Variants in INPP5A observed in about 807,000 individuals in gnomAD.
The protein encoded by INPP5A is inositol polyphosphate-5-phosphatase A.
INPP5A carries 14 observed loss-of-function variants against 65.2 expected under a neutral mutation model. The observed-to-expected ratio is 0.21, with a 90% CI of 0.14 to 0.34. The LOEUF (loss-of-function observed/expected upper bound fraction) is 0.34. INPP5A is among the 10% of genes least tolerant of loss of function. The probability of loss-of-function intolerance (pLI) is 1.00; values close to 1 mark genes in which losing one functional copy is unlikely to be tolerated. For synonymous variants in INPP5A, 207 were observed against 208.3 expected (o/e 0.99, Z 0.05); for missense variants, 431 against 545.6 (o/e 0.79, Z 2.09).
intron 11 of INPP5A, among the ~76,000 whole-genome samples, chr10:132,755,352 G>C (rs1846579376): frequency 6.6e-6 from 1 of 151,396 alleles, no homozygotes; most frequent in South Asian, 2.1e-4. Context: ...GCGTGTGTGT[G>C]AGCAGACATG....
intron 2 of INPP5A, among the ~76,000 whole-genome samples, chr10:132,640,762 C>T (rs2072417317): frequency 6.6e-6 from 1 of 152,194 alleles, no homozygotes; most frequent in African/African-American, 2.4e-5. Flanking sequence ...TCTCTGTATA[C>T]CTTCTTTTCT....
chr10:132,594,355 C>T (rs186063690), intron 1 of INPP5A, among the ~76,000 whole-genome samples: 138 of 152,340 alleles, frequency 9.1e-4, no homozygotes, highest in African/African-American at 3.1e-3. Context: ...AGGTCTAGAA[C>T]GTGTCCATCA....
Position 132,584,563 on chromosome 10 carries a change from C to T in INPP5A, c.76-23352C>T, listed in dbSNP as rs1013494448. On this transcript the variant is annotated intron_variant, in intron 1 of 15. Coordinates refer to ENST00000368594, the MANE Select transcript of INPP5A (RefSeq NM_005539.5). ...ATTATCAATTTGTTGATACAATGTT[C>T]ACATATTCTCATATTATTCTTTTAA... is the stretch of plus-strand genomic sequence containing the variant. Among the ~76,000 whole-genome samples the T allele has an allele frequency of 8.5e-5, 13 of 152,126 alleles. 1 individual carries two copies. Among genetic ancestry groups the T allele is most frequent in the African/African-American group, 2.4e-4 (10 of 41,424 alleles).
intron 4 of INPP5A, among the ~76,000 whole-genome samples, chr10:132,682,531 C>T (rs910069459): frequency 6.6e-6 from 1 of 152,254 alleles, no homozygotes; most frequent in Non-Finnish European, 1.5e-5. Flanking sequence ...GAGGCTGGCA[C>T]TGGGCCATGG....
intron 13 of INPP5A, among the ~76,000 whole-genome samples, chr10:132,780,577 G>A (rs1316395991): frequency 4.6e-5 from 7 of 152,326 alleles, no homozygotes; most frequent in South Asian, 2.1e-4. Flanking sequence ...GGCTCCCCAC[G>A]CGACCCCTCC....
At chr10:132,558,192 C>T (rs934041532) in intron 1 of INPP5A, among the ~76,000 whole-genome samples, 7 of 152,198 alleles carry the variant, frequency 4.6e-5, no homozygotes, top group African/African-American at 1.7e-4. Flanking sequence ...TCCTGATAGC[C>T]TTCCCGCCAG....
At chr10:132,564,870 C>T (rs769708293) in intron 1 of INPP5A, among the ~76,000 whole-genome samples, 3 of 152,044 alleles carry the variant, frequency 2.0e-5, no homozygotes, top group Non-Finnish European at 2.9e-5. Flanking sequence ...TGCATGCCCC[C>T]GTATGCCTGG....
intron 2 of INPP5A, among the ~76,000 whole-genome samples, chr10:132,619,034 G>A (rs1047691018): frequency 1.1e-4 from 17 of 152,262 alleles, no homozygotes; most frequent in Middle Eastern, 3.4e-3. Context: ...CAGATCTCAT[G>A]TTCTTCTCAC....
intron 1 of INPP5A, among the ~76,000 whole-genome samples, chr10:132,544,244 C>T (rs1350042611): frequency 6.6e-6 from 1 of 152,232 alleles, no homozygotes; most frequent in Admixed American, 6.5e-5. Flanking sequence ...TGCTAGCCTG[C>T]AGTAGGTGGG....
At chr10:132,767,929 G>A (rs1846880083) in intron 12 of INPP5A, among the ~76,000 whole-genome samples, 1 of 146,036 alleles carries the variant, frequency 6.8e-6, no homozygotes, top group African/African-American at 2.6e-5. Flanking sequence ...CATTCCCAGG[G>A]TGCCCACGCG....
rs560375618 is a variant in INPP5A at position 132,596,510 on chromosome 10, C to T, written c.76-11405C>T. Among the ~76,000 whole-genome samples the T allele has an allele frequency of 1.1e-3, 166 of 151,988 alleles. 1 individual carries two copies. Among genetic ancestry groups the T allele is most frequent in the African/African-American group, 3.9e-3 (160 of 41,440 alleles). On this transcript the variant is annotated intron_variant, in intron 1 of 15. Transcript: ENST00000368594. ...TGGCACCATCTCAGCTCACTGCAAC[C>T]TCCACCTCCCAGGTTCAAGCGATTC...
chr10:132,773,987 C>G (rs1238096840), intron 12 of INPP5A, among the ~76,000 whole-genome samples: 1 of 152,188 alleles, frequency 6.6e-6, no homozygotes, highest in African/African-American at 2.4e-5. Context: ...GTCTTAAACT[C>G]CTGGGCTCAA....
At chr10:132,568,684 G>A (rs754445216) in intron 1 of INPP5A, among the ~76,000 whole-genome samples, 52 of 152,268 alleles carry the variant, frequency 3.4e-4, no homozygotes, top group Non-Finnish European at 8.8e-5. Flanking sequence ...TTGAACCCAG[G>A]AGGTGGAGGT....
chr10:132,649,498 G>A (rs755431806), intron 3 of INPP5A, among the ~76,000 whole-genome samples: 4 of 152,222 alleles, frequency 2.6e-5, no homozygotes, highest in South Asian at 2.1e-4. Flanking sequence ...CCTTTAAAGC[G>A]TGTTGAAGGT....
At chr10:132,564,722 C>T (rs1362713765) in intron 1 of INPP5A, among the ~76,000 whole-genome samples, 1 of 152,202 alleles carries the variant, frequency 6.6e-6, no homozygotes, top group African/African-American at 2.4e-5. Context: ...TTTGGGTGCC[C>T]AGGCCCTGCC....
intron 9 of INPP5A, among the ~76,000 whole-genome samples, chr10:132,748,490 C>T (rs529342351): frequency 3.8e-4 from 58 of 152,342 alleles, no homozygotes; most frequent in African/African-American, 1.3e-3. Flanking sequence ...GCCCACAAGG[C>T]CCCTGTGTCG....
In INPP5A at chr10:132,651,272, CCCCGG is replaced by C; in HGVS notation, c.306+770_306+774del. 2.0e-5 allele frequency among the ~76,000 whole-genome samples: 3 copies of C among 150,394 alleles called. No homozygotes were observed. The highest frequency in any genetic ancestry group is 7.3e-5 in the African/African-American group (3 of 40,894). On this transcript the variant is annotated intron_variant, in intron 4 of 15. Coordinates refer to ENST00000368594, the MANE Select transcript of INPP5A (RefSeq NM_005539.5). This position sits in a 1 kb window ranked among gnomAD's most constrained non-coding sequence, Gnocchi z 5.0. The stretch of plus-strand genomic sequence containing the variant: ...CCCGTCTCTGGGGAGGCCCTGGGTC[CCCCGG>C]CCTGGGTCCATCTCCCCCGTCTCTG...
intron 2 of INPP5A, among the ~76,000 whole-genome samples, chr10:132,626,785 G>A (rs1024771065): frequency 6.6e-6 from 1 of 152,232 alleles, no homozygotes; most frequent in African/African-American, 2.4e-5. Context: ...CAGTGCAGGG[G>A]TTCCTGTGGC....
chr10:132,613,153 T>C (rs1024535420), intron 2 of INPP5A, among the ~76,000 whole-genome samples: 2 of 152,234 alleles, frequency 1.3e-5, no homozygotes, highest in Non-Finnish European at 2.9e-5. Context: ...AAACAGTTAC[T>C]GTGAGCGTTG....
Sources: gnomAD v4.1 joint callset for allele counts (sites outside exome capture counted in the v4.1 genomes callset) on GRCh38, gnomAD v4.1.1 for gene constraint, Gnocchi (gnomAD v3.1) non-coding constraint, MANE v1.5 for transcripts, NCBI Gene and HGNC (gene_info 2026-07-23, HGNC 2026-07-21) for gene names.